NRG3: variants seen among roughly 807,000 people sequenced by gnomAD.
The protein encoded by NRG3 is pro-neuregulin-3, membrane-bound isoform.
A neutral mutation model predicts 66.9 loss-of-function variants in NRG3; 31 were observed. The ratio of observed to expected loss-of-function variants is 0.46; its 90% CI spans 0.35 to 0.63. The LOEUF is 0.63. NRG3 is among the 20% of genes least tolerant of loss of function. The probability of loss-of-function intolerance (pLI) is 0.00; values close to 1 mark genes in which losing one functional copy is unlikely to be tolerated. For missense variants in NRG3, 910 were observed against 878.9 expected (o/e 1.04, Z -0.45); for synonymous variants, 393 against 359.4 (o/e 1.09, Z -1.06).
At chr10:82,974,769 G>A (rs1215129857) in intron 7 of NRG3, among the ~76,000 whole-genome samples, 1 of 152,166 alleles carries the variant, frequency 6.6e-6, no homozygotes, top group African/African-American at 2.4e-5. Context: ...GAATGTTGTT[G>A]CCCCTTTGTT....
intron 1 of NRG3, among the ~76,000 whole-genome samples, chr10:81,966,882 G>T (rs1178732346): frequency 6.6e-6 from 1 of 152,070 alleles, no homozygotes; most frequent in South Asian, 2.1e-4. Flanking sequence ...AATCATATAT[G>T]TGACATCATT....
At chr10:82,907,221 G>A (rs933842404) in intron 4 of NRG3, among the ~76,000 whole-genome samples, 1 of 152,080 alleles carries the variant, frequency 6.6e-6, no homozygotes, top group African/African-American at 2.4e-5. Context: ...TTCACTGGGG[G>A]ATAAATTCTT....
At chr10:82,101,613 G>A (rs1225509210) in intron 1 of NRG3, among the ~76,000 whole-genome samples, 1 of 151,596 alleles carries the variant, frequency 6.6e-6, no homozygotes, top group East Asian at 1.9e-4. Flanking sequence ...GGATATGTTA[G>A]CTTCTAAATC....
chr10:82,110,216 G>A (rs1458542327), intron 1 of NRG3, among the ~76,000 whole-genome samples: 1 of 152,128 alleles, frequency 6.6e-6, no homozygotes. Context: ...TCTATGGTGA[G>A]TATATATTGG....
At chr10:82,230,913 A>C (rs1379430517) in intron 1 of NRG3, among the ~76,000 whole-genome samples, 1 of 152,220 alleles carries the variant, frequency 6.6e-6, no homozygotes, top group Non-Finnish European at 1.5e-5. Flanking sequence ...GCAAAGGCAT[A>C]AAAATGTAGT....
At chr10:82,860,789 A>G (rs757017035) in intron 3 of NRG3, among the ~76,000 whole-genome samples, 3 of 152,208 alleles carry the variant, frequency 2.0e-5, no homozygotes, top group Non-Finnish European at 4.4e-5. Flanking sequence ...TGCTTAAACT[A>G]TGTGCCTCTT....
chr10:81,896,926 C>T (rs957947134), intron 1 of NRG3, among the ~76,000 whole-genome samples: 10 of 152,156 alleles, frequency 6.6e-5, no homozygotes, highest in African/African-American at 7.2e-5. Context: ...CTTACATTCC[C>T]GTGGAGAAGT....
At chr10:82,440,296 T>C (rs1448751447) in intron 2 of NRG3, among the ~76,000 whole-genome samples, 1 of 151,868 alleles carries the variant, frequency 6.6e-6, no homozygotes, top group Non-Finnish European at 1.5e-5. Context: ...TCATTTATTA[T>C]ATATAATGTA....
intron 2 of NRG3, among the ~76,000 whole-genome samples, chr10:82,401,476 TGAGG>T (rs1375473468): frequency 6.6e-6 from 1 of 152,100 alleles, no homozygotes; most frequent in Non-Finnish European, 1.5e-5. Context: ...CTATACAGTA[TGAGG>T]CAGGATCACA....
At chr10:82,339,002 A>T (rs1207489193) in intron 1 of NRG3, among the ~76,000 whole-genome samples, 1 of 152,230 alleles carries the variant, frequency 6.6e-6, no homozygotes, top group African/African-American at 2.4e-5. Flanking sequence ...ACTGCCATGA[A>T]GAAGATGAAC....
intron 1 of NRG3, among the ~76,000 whole-genome samples, chr10:82,021,994 T>G (rs2062084039): frequency 6.6e-6 from 1 of 152,048 alleles, no homozygotes; most frequent in Non-Finnish European, 1.5e-5. Context: ...ATGCTTTTTT[T>G]TTTCTGCTCA....
chr10:82,247,093 G>A (rs368193684), intron 1 of NRG3, among the ~76,000 whole-genome samples: 3 of 152,134 alleles, frequency 2.0e-5, no homozygotes, highest in African/African-American at 4.8e-5. Flanking sequence ...TGGAAGTGAG[G>A]GGAAACATTG....
At chr10:82,508,739 G>T (rs1279403735) in intron 2 of NRG3, among the ~76,000 whole-genome samples, 1 of 152,102 alleles carries the variant, frequency 6.6e-6, no homozygotes, top group African/African-American at 2.4e-5. Context: ...TGAACCAAGT[G>T]GGATGCTGGA....
At chr10:82,317,118 C>T (rs559473193) in intron 1 of NRG3, among the ~76,000 whole-genome samples, 1 of 152,138 alleles carries the variant, frequency 6.6e-6, no homozygotes, top group African/African-American at 2.4e-5. Flanking sequence ...TGTGCAGTGT[C>T]TTCACAGCCT....
chr10:82,145,998 T>C (rs1288417018), intron 1 of NRG3, among the ~76,000 whole-genome samples: 1 of 152,164 alleles, frequency 6.6e-6, no homozygotes, highest in African/African-American at 2.4e-5. Flanking sequence ...AACATTGTGA[T>C]AAAATCATAT....
At chr10:81,970,646 T>C (rs1314573091) in intron 1 of NRG3, among the ~76,000 whole-genome samples, 1 of 151,948 alleles carries the variant, frequency 6.6e-6, no homozygotes, top group Admixed American at 6.6e-5. Flanking sequence ...GCCAGAAATA[T>C]TTGTGTGTGT....
intron 2 of NRG3, among the ~76,000 whole-genome samples, chr10:82,460,148 T>G (rs1046887693): frequency 1.1e-4 from 17 of 152,204 alleles, no homozygotes; most frequent in Admixed American, 3.9e-4. Flanking sequence ...ATTTTTCTTA[T>G]GTGTAAAACA....
At chr10:82,159,792 G>T (rs550195156) in intron 1 of NRG3, among the ~76,000 whole-genome samples, 103 of 151,914 alleles carry the variant, frequency 6.8e-4, no homozygotes, top group Non-Finnish European at 1.2e-3. Flanking sequence ...TATACAGAGG[G>T]AGTTAAAAAT....
intron 2 of NRG3, among the ~76,000 whole-genome samples, chr10:82,552,218 C>T (rs939346695): frequency 6.6e-5 from 10 of 152,084 alleles, no homozygotes; most frequent in Admixed American, 4.6e-4. Context: ...TTGCTCTCAT[C>T]TCCTATTTAG....
Sources: gnomAD v4.1 joint callset for allele counts (sites outside exome capture counted in the v4.1 genomes callset) on GRCh38, gnomAD v4.1.1 for gene constraint, MANE v1.5 for transcripts, NCBI Gene and HGNC (gene_info 2026-07-23, HGNC 2026-07-21) for gene names.